The following CPAMD8 variants were observed in gnomAD, a reference collection of about 807,000 sequenced individuals.
CPAMD8 encodes the protein C3 and PZP-like alpha-2-macroglobulin domain-containing protein 8.
In CPAMD8, 146 loss-of-function variants were observed where a neutral mutation model predicts 224.7. The observed-to-expected ratio is 0.65, with a 90% confidence interval of 0.57 to 0.75. The LOEUF (loss-of-function observed/expected upper bound fraction) is 0.75. Among genes scored for constraint, CPAMD8 ranks in the 30% least tolerant of loss-of-function variants. The probability of loss-of-function intolerance (pLI) is 0.00; values close to 1 mark genes in which losing one functional copy is unlikely to be tolerated. For missense variants in CPAMD8, 2,301 were observed against 2,537.5 expected (o/e 0.91, Z 2.00); for synonymous variants, 966 against 1,044.6 (o/e 0.92, Z 1.45).
chr19:16,968,327 A>G (rs908724482), intron 18 of CPAMD8, among the ~76,000 whole-genome samples: 8 of 152,170 alleles, frequency 5.3e-5, no homozygotes, highest in African/African-American at 1.9e-4. Flanking sequence ...CAGCAGGAAG[A>G]GCCTGGGGGA....
intron 40 of CPAMD8, 25 bp from the exon 41 acceptor site, chr19:16,896,351 G>T (rs2051988330): frequency 1.3e-6 from 2 of 1,578,480 alleles, no homozygotes; most frequent in African/African-American, 2.7e-5. Context: ...GCCTCGGTCG[G>T]GAGGGCGTGG....
Position 16,938,575 on chromosome 19 carries a change from C to T in CPAMD8, c.2794-129G>A, listed in dbSNP as rs151199368. 2.2e-4 allele frequency: 133 copies of T among 613,154 alleles called. 1 individual carries two copies. In the East Asian group the frequency reaches 3.9e-3, roughly 18 times the overall value. The allele number at this position is 613,154 out of a possible 1,614,324, so 38.0% of individuals were successfully genotyped here. ...CACATAATTGTGCTTCCAGGTTTTACGTGGTATCAGCACGGTCACACCAAG... is the reference window on the plus strand; with the variant it reads ...CACATAATTGTGCTTCCAGGTTTTATGTGGTATCAGCACGGTCACACCAAG... On this transcript the variant is annotated intron_variant, in intron 22 of 41. Transcript: ENST00000443236.
chr19:17,026,450 G>C (rs2057083709), intron 1 of CPAMD8, 101 bp downstream of exon 1: 1 of 1,234,620 alleles, frequency 8.1e-7, no homozygotes, highest in Admixed American at 3.9e-5. Flanking sequence ...CAGCGCGGAG[G>C]CTGTGTGGCC....
At chr19:16,926,681 T>C (rs1193948634) in intron 25 of CPAMD8, among the ~76,000 whole-genome samples, 1 of 152,222 alleles carries the variant, frequency 6.6e-6, no homozygotes, top group African/African-American at 2.4e-5. Flanking sequence ...ACAGCTCTTG[T>C]TGCACAAATA....
chr19:16,942,280 G>A (rs1013491463), intron 22 of CPAMD8, among the ~76,000 whole-genome samples: 37 of 152,210 alleles, frequency 2.4e-4, no homozygotes, highest in African/African-American at 8.9e-4. Context: ...TGGCCAACAT[G>A]GTGAAACCCC....
chr19:16,996,260 T>A lies in CPAMD8; in HGVS notation c.1095+851A>T, dbSNP rs528919949. Among the ~76,000 whole-genome samples the A allele has an allele frequency of 4.0e-5, 6 of 150,162 alleles. No individual in the cohort carries two copies. In the East Asian group the frequency reaches 1.2e-3, roughly 30 times the overall value. On this transcript the variant is annotated intron_variant, in intron 11 of 41. Coordinates refer to ENST00000443236, the MANE Select transcript of CPAMD8 (RefSeq NM_015692.5). ...TGCTGAGGCAGGCGGATTGCTTGAA[T>A]CCAGGATGTCGAGGCTGTGGTGAGC...
intron 27 of CPAMD8, among the ~76,000 whole-genome samples, chr19:16,919,807 T>C (rs186078150): frequency 2.3e-4 from 35 of 152,342 alleles, no homozygotes; most frequent in African/African-American, 7.9e-4. Flanking sequence ...AGGGAACCCA[T>C]CTAGAACAGA....
At chr19:16,908,975 C>T (rs2052624194) in intron 29 of CPAMD8, among the ~76,000 whole-genome samples, 1 of 152,182 alleles carries the variant, frequency 6.6e-6, no homozygotes, top group South Asian at 2.1e-4. Flanking sequence ...GGGATGGACC[C>T]AGCCCGGCCC....
chr19:16,933,133 T>C (rs558403848), intron 23 of CPAMD8, among the ~76,000 whole-genome samples: 96 of 152,244 alleles, frequency 6.3e-4, no homozygotes, highest in African/African-American at 2.2e-3. Flanking sequence ...CTGGCACAGT[T>C]GGCTATCCAA....
intron 18 of CPAMD8, among the ~76,000 whole-genome samples, chr19:16,961,395 C>G (rs149432060): frequency 1.3e-5 from 2 of 152,268 alleles, no homozygotes; most frequent in African/African-American, 4.8e-5. Context: ...CCCACGCCCG[C>G]AGAGCCTTGC....
chr19:16,904,176 A>ACGGCCCC, intron 32 of CPAMD8, 50 bp downstream of exon 32: 16 of 937,334 alleles, frequency 1.7e-5, no homozygotes, highest in Non-Finnish European at 2.0e-5. Flanking sequence ...GACTGCAGGG[A>ACGGCCCC]CCCCACCCAC....
intron 3 of CPAMD8, among the ~76,000 whole-genome samples, chr19:17,016,819 A>G (rs1009950130): frequency 9.9e-5 from 15 of 151,948 alleles, no homozygotes; most frequent in Non-Finnish European, 1.8e-4. Flanking sequence ...GGAGAGAGAG[A>G]GAGGAAGGAA....
chr19:16,896,947 C>G (rs1477964122), intron 39 of CPAMD8: 5 of 318,044 alleles, frequency 1.6e-5, no homozygotes, highest in East Asian at 1.0e-4. Context: ...ACAACAGCCC[C>G]GTCCCCTGCC....
In CPAMD8 at chr19:16,893,164, A is replaced by G; in HGVS notation, c.5602T>C (p.Phe1868Leu). Residue 1868 changes from phenylalanine (F) to leucine (L), a missense_variant, in exon 42 of 42, where the codon TTT (phenylalanine) becomes CTT (leucine). Around this residue, in one of 4 missense-constraint regions of CPAMD8, gnomAD observed 1,709 missense variants for 1,753.2 expected, o/e 0.97. Coordinates refer to ENST00000443236, the MANE Select transcript of CPAMD8 (RefSeq NM_015692.5). ...AAACCCTCCTCCCCACCACTCTGAAAGGCTGGGCTGTAGACGAAGACAGGG... is the reference window on the plus strand; with the variant it reads ...AAACCCTCCTCCCCACCACTCTGAAGGGCTGGGCTGTAGACGAAGACAGGG... Reference protein sequence around the residue: ...LSPVFVYSPAFQSGGEEGLWM... With the variant: ...LSPVFVYSPALQSGGEEGLWM... 1.9e-6 allele frequency: 3 copies of G among 1,591,704 alleles called. No individual in the cohort carries two copies. The highest frequency in any genetic ancestry group is 2.6e-6 in the Non-Finnish European group (3 of 1,161,642).
At position 17,008,815 on chromosome 19, in the gene CPAMD8, T is replaced by C. The variant is rs910963021; in HGVS notation, c.505-256A>G. On this transcript the variant is annotated intron_variant, in intron 6 of 41. Coordinates refer to ENST00000443236, the MANE Select transcript of CPAMD8 (RefSeq NM_015692.5). ...ACCTAGAAATGGACGTGGCTGGGTGTGGTGGCTCACACCTGTAATCCCAGC... is the reference window on the plus strand; with the variant it reads ...ACCTAGAAATGGACGTGGCTGGGTGCGGTGGCTCACACCTGTAATCCCAGC... The C allele has an allele frequency of 2.2e-5, 12 of 541,260 alleles. No individual in the cohort carries two copies. The Admixed American group carries it at 3.1e-4, about 14-fold the overall frequency. The allele number at this position is 541,260 out of a possible 1,614,324, so 33.5% of individuals were successfully genotyped here. A position where few individuals can be genotyped will look rare whatever the true frequency, so the allele number is the denominator to read the frequency against.
intron 8 of CPAMD8, among the ~76,000 whole-genome samples, chr19:17,002,905 C>CTTTTTT (rs376741138): frequency 7.5e-6 from 1 of 133,444 alleles, no homozygotes; most frequent in Non-Finnish European, 1.6e-5. Flanking sequence ...CTTTTCTTTT[C>CTTTTTT]TTTTCTTTTT....
At chr19:16,992,169 C>T (rs2055976619) in intron 12 of CPAMD8, among the ~76,000 whole-genome samples, 1 of 152,180 alleles carries the variant, frequency 6.6e-6, no homozygotes, top group Admixed American at 6.5e-5. Flanking sequence ...GACACTAAGG[C>T]CTTCTGGATC....
chr19:16,914,752 G>C lies in CPAMD8; in HGVS notation c.3691C>G (p.Arg1231Gly), dbSNP rs943110810. The C allele has an allele frequency of 3.0e-5, 48 of 1,613,960 alleles. No homozygotes were observed. Among genetic ancestry groups the C allele is most frequent in the Non-Finnish European group, 3.9e-5 (46 of 1,179,996 alleles). The change falls in exon 28 of 42, where the codon CGG becomes GGG. Residue 1231 changes from arginine to glycine, a missense_variant. Arg to Gly is a moderately radical substitution (Grantham distance 125). Coordinates refer to ENST00000443236, the MANE Select transcript of CPAMD8 (RefSeq NM_015692.5). ...QARSFIFVDPRELAAAKSWII... is the reference protein window; with the variant it reads ...QARSFIFVDPGELAAAKSWII... ...CAGCTCTTGGCGGCAGCCAGCTCCC[G>C]GGGGTCCACGAAGATAAAGCTGCGA...
At chr19:16,967,893 G>GTGCATATATACACACACACA in intron 18 of CPAMD8, among the ~76,000 whole-genome samples, 1 of 43,310 alleles carries the variant, frequency 2.3e-5, no homozygotes, top group Non-Finnish European at 5.1e-5. Flanking sequence ...ACACACACAT[G>GTGCATATATACACACACACA]TGTGTGTATA....
Sources: allele counts gnomAD v4.1 joint callset (sites outside exome capture counted in the v4.1 genomes callset), GRCh38; gene constraint gnomAD v4.1.1; regional missense constraint gnomAD v4.1.1; transcripts MANE v1.5; gene names NCBI Gene and HGNC (gene_info 2026-07-23, HGNC 2026-07-21).